NFYB: variants seen among roughly 807,000 people sequenced by gnomAD.
NFYB encodes CAAT box DNA-binding protein subunit B.
In NFYB, 13 loss-of-function variants were observed where a neutral mutation model predicts 28.0. The ratio of observed to expected loss-of-function variants is 0.46; its 90% CI spans 0.30 to 0.74. The LOEUF (loss-of-function observed/expected upper bound fraction) is 0.74, where lower values mean the gene tolerates loss of function less well. NFYB is among the 30% of genes least tolerant of loss of function. The pLI, the probability that NFYB is intolerant of heterozygous loss-of-function variation, is 0.07. For missense variants in NFYB, 142 were observed against 247.6 expected (o/e 0.57, Z 2.86); for synonymous variants, 74 against 75.0 (o/e 0.99, Z 0.07).
rs2030349103 is a variant in NFYB at position 104,118,566 on chromosome 12, A to C, written c.*1171T>G. 6.6e-6 allele frequency: 1 copy of C among 152,670 alleles called. No individual in the cohort carries two copies. The highest frequency in any genetic ancestry group is 2.4e-5 in the African/African-American group (1 of 41,472). 9.5% of individuals were successfully genotyped at this position (152,670 alleles called of 1,614,324 possible). On this transcript the variant is annotated 3_prime_UTR_variant, in exon 8 of 8. Transcript: ENST00000240055. Reference sequence around the variant, plus strand: ...AAAGAAATCCCTCAAGTTAATTAACACCAAAAAGAATAGATGAGAAAATAC... The same window carrying C: ...AAAGAAATCCCTCAAGTTAATTAACCCCAAAAAGAATAGATGAGAAAATAC...
Position 104,123,334 on chromosome 12 carries a change from T to C in NFYB, c.321A>G (p.Gln107=), listed in dbSNP as rs749430954. The change falls in exon 5 of 8, where the codon CAA becomes CAG. Residue 107 remains glutamine (Q), a synonymous_variant. Transcript: ENST00000240055. ...ITSEASERCH[Q]EKRKTINGED... Reference sequence around the variant, plus strand: ...CTCCATTGATTGTTTTCCGTTTCTCTTGATGGCACCTTTCACTTGCTTCAG... The same window carrying C: ...CTCCATTGATTGTTTTCCGTTTCTCCTGATGGCACCTTTCACTTGCTTCAG... The C allele has an allele frequency of 8.1e-6, 13 of 1,614,188 alleles. No homozygotes were observed. In the East Asian group the frequency reaches 2.7e-4, roughly 33 times the overall value.
At chr12:104,127,325 A>C (rs1206667495) in intron 3 of NFYB, among the ~76,000 whole-genome samples, 1 of 152,094 alleles carries the variant, frequency 6.6e-6, no homozygotes, top group African/African-American at 2.4e-5. Context: ...TAATCCCAGC[A>C]CTTTGGGAGG....
intron 4 of NFYB, among the ~76,000 whole-genome samples, chr12:104,125,606 T>C (rs544046311): frequency 1.2e-3 from 176 of 152,228 alleles, no homozygotes; most frequent in Middle Eastern, 3.4e-3. Flanking sequence ...CCCAGCACTT[T>C]GGTAGGCCAA....
chr12:104,120,532 G>A lies in NFYB; in HGVS notation c.512-53C>T, dbSNP rs116672354. 6.9e-3 allele frequency: 8,745 copies of A among 1,269,378 alleles called. 320 individuals are homozygous for A. In the South Asian group the frequency reaches 0.072, roughly 10 times the overall value. The allele number at this position is 1,269,378 out of a possible 1,614,324, so 78.6% of individuals were successfully genotyped here. ...GGAAATGAACTATATCTACTTTCTT[G>A]GGTTGTATCTTAAGGTTGTACCATT... On this transcript the variant is annotated intron_variant, in intron 6 of 7. Coordinates refer to ENST00000240055, the MANE Select transcript of NFYB (RefSeq NM_006166.4).
At chr12:104,130,591 C>T (rs1246679857) in intron 2 of NFYB, among the ~76,000 whole-genome samples, 2 of 152,034 alleles carry the variant, frequency 1.3e-5, no homozygotes, top group East Asian at 1.9e-4. Flanking sequence ...CCTACTGATC[C>T]CCTGAAAATA....
In NFYB at chr12:104,119,519, T is replaced by C. The variant is rs1388708589; in HGVS notation, c.*218A>G. 2 of 451,942 alleles carry C rather than the reference T, an allele frequency of 4.4e-6. No individual in the cohort carries two copies. Among genetic ancestry groups the C allele is most frequent in the Non-Finnish European group, 7.9e-6 (2 of 252,382 alleles). 28.0% of individuals were successfully genotyped at this position (451,942 alleles called of 1,614,324 possible). On this transcript the variant is annotated 3_prime_UTR_variant, in exon 8 of 8. Transcript: ENST00000240055. The stretch of plus-strand genomic sequence containing the variant: ...AACTCTCGTACAAAACAAAAATATT[T>C]TAATACCTTTAAAATCCAAATTTTT...
Position 104,125,600 on chromosome 12 carries a change from G to A in NFYB, c.231+514C>T, listed in dbSNP as rs568823962. The stretch of plus-strand genomic sequence containing the variant: ...ACAGTGGCTCATGTCTATAATCCCA[G>A]CACTTTGGTAGGCCAAGGCGGATGG... On this transcript the variant is annotated intron_variant, in intron 4 of 7. Coordinates refer to ENST00000240055, the MANE Select transcript of NFYB (RefSeq NM_006166.4). Among the ~76,000 whole-genome samples, 5 of 152,112 alleles carry A rather than the reference G, an allele frequency of 3.3e-5. No individual in the cohort carries two copies. In the South Asian group the frequency reaches 1.0e-3, roughly 32 times the overall value.
chr12:104,120,619 T>TC, intron 6 of NFYB, 140 bp from the exon 7 acceptor site: 1 of 615,502 alleles, frequency 1.6e-6, no homozygotes, highest in Non-Finnish European at 2.8e-6. Context: ...TAATAAATCC[T>TC]CCAATTTTCC....
At chr12:104,122,994 G>A (rs1034796744) in intron 5 of NFYB, among the ~76,000 whole-genome samples, 4 of 151,920 alleles carry the variant, frequency 2.6e-5, no homozygotes, top group African/African-American at 7.3e-5. Flanking sequence ...GGCCAACATG[G>A]TGTAACCCCC....
At chr12:104,121,780 A>G (rs1182393738) in intron 5 of NFYB, among the ~76,000 whole-genome samples, 1 of 152,226 alleles carries the variant, frequency 6.6e-6, no homozygotes, top group Non-Finnish European at 1.5e-5. Context: ...CTAGGTTCCT[A>G]TGATACTGAA....
intron 7 of NFYB, 141 bp from the exon 8 acceptor site, chr12:104,119,910 T>C: frequency 1.6e-6 from 1 of 610,646 alleles, no homozygotes; most frequent in Non-Finnish European, 2.9e-6. Flanking sequence ...AGAAATCTCC[T>C]ATGCAAATAT....
At chr12:104,129,145 C>T (rs931188354) in intron 2 of NFYB, among the ~76,000 whole-genome samples, 1 of 152,192 alleles carries the variant, frequency 6.6e-6, no homozygotes, top group African/African-American at 2.4e-5. Flanking sequence ...GCAACCCTGA[C>T]TTACAACCTA....
intron 1 of NFYB, among the ~76,000 whole-genome samples, chr12:104,136,202 T>C (rs954205373): frequency 2.6e-5 from 4 of 152,182 alleles, no homozygotes; most frequent in Non-Finnish European, 5.9e-5. Context: ...AAGGCATAAA[T>C]AGCTGAACAA....
In NFYB at chr12:104,118,210, GATA is replaced by G. The variant is rs2030333613; in HGVS notation, c.*1524_*1526del. 6.6e-6 allele frequency: 1 copy of G among 152,174 alleles called. No homozygotes were observed. Among genetic ancestry groups the G allele is most frequent in the Admixed American group, 6.5e-5 (1 of 15,272 alleles). 9.4% of individuals were successfully genotyped at this position (152,174 alleles called of 1,614,324 possible). A position where few individuals can be genotyped will look rare whatever the true frequency, so the allele number is the denominator to read the frequency against. ...TATTTAGCAAAGTAAAAGGACAAATGATATTTATCAAAATATTAACATTGGTTC... is the reference window on the plus strand; with the variant it reads ...TATTTAGCAAAGTAAAAGGACAAATGTTTATCAAAATATTAACATTGGTTC... On this transcript the variant is annotated 3_prime_UTR_variant, in exon 8 of 8. Transcript: ENST00000240055.
At chr12:104,132,273 T>C (rs2030951913) in intron 2 of NFYB, among the ~76,000 whole-genome samples, 1 of 152,066 alleles carries the variant, frequency 6.6e-6, no homozygotes, top group Non-Finnish European at 1.5e-5. Flanking sequence ...GGGAAACGAA[T>C]GTTCTAGGCA....
intron 1 of NFYB, chr12:104,137,921 C>G (rs888773063): frequency 6.8e-6 from 1 of 146,302 alleles, no homozygotes; most frequent in African/African-American, 2.5e-5. Flanking sequence ...GCACAAAGAG[C>G]CGCGCCGCGG....
intron 3 of NFYB, among the ~76,000 whole-genome samples, chr12:104,127,459 C>T (rs1242278684): frequency 4.0e-5 from 6 of 151,378 alleles, no homozygotes; most frequent in South Asian, 2.1e-4. Context: ...TCTCAGCTAA[C>T]GGGCAGGCTG....
At chr12:104,126,294 C>G in intron 3 of NFYB, 50 bp from the exon 4 acceptor site, 1 of 1,365,568 alleles carries the variant, frequency 7.3e-7, no homozygotes, top group Non-Finnish European at 9.6e-7. Context: ...ATTTCTATTT[C>G]AAGATAGAAA....
chr12:104,124,098 C>T (rs947723178), intron 4 of NFYB, among the ~76,000 whole-genome samples: 10 of 152,124 alleles, frequency 6.6e-5, no homozygotes, highest in South Asian at 6.2e-4. Context: ...ATTTTGTGGG[C>T]GACATAAGTA....
Sources: gnomAD v4.1 joint callset for allele counts (sites outside exome capture counted in the v4.1 genomes callset) on GRCh38, gnomAD v4.1.1 for gene constraint, MANE v1.5 for transcripts, NCBI Gene and HGNC (gene_info 2026-07-23, HGNC 2026-07-21) for gene names.